The following CRACR2A variants were observed in gnomAD, a reference collection of about 807,000 sequenced individuals.
CRACR2A encodes calcium release activated channel regulator 2A, also known as EF-hand calcium-binding domain-containing protein 4B.
In CRACR2A, 79 loss-of-function variants were observed where a neutral mutation model predicts 90.5. The ratio of observed to expected loss-of-function variants is 0.87; its 90% CI spans 0.73 to 1.05. The LOEUF (loss-of-function observed/expected upper bound fraction) is 1.05. Ranked by LOEUF, CRACR2A falls within the 50% of genes least tolerant of loss-of-function variation. CRACR2A has a pLI of 0.00. For missense variants in CRACR2A, 823 were observed against 897.2 expected (o/e 0.92, Z 1.06); for synonymous variants, 338 against 356.7 (o/e 0.95, Z 0.59).
chr12:3,740,150 C>A (rs906395285), intron 1 of CRACR2A, among the ~76,000 whole-genome samples: 1 of 152,074 alleles, frequency 6.6e-6, no homozygotes, highest in African/African-American at 2.4e-5. Context: ...CCCTGGAGAT[C>A]AAAAATGATC....
chr12:3,745,152 T>C (rs1045473669), intron 1 of CRACR2A, among the ~76,000 whole-genome samples: 1 of 152,114 alleles, frequency 6.6e-6, no homozygotes, highest in African/African-American at 2.4e-5. Flanking sequence ...AAGATCTCCA[T>C]CCTGTGGATG....
chr12:3,731,181 C>T (rs565737670), intron 2 of CRACR2A: 1 of 152,462 alleles, frequency 6.6e-6, no homozygotes, highest in African/African-American at 2.4e-5. Flanking sequence ...GCCCAGCAGC[C>T]TCCGCCACCT....
intron 7 of CRACR2A, among the ~76,000 whole-genome samples, chr12:3,668,188 C>T (rs1471013571): frequency 6.6e-6 from 1 of 152,102 alleles, no homozygotes; most frequent in Non-Finnish European, 1.5e-5. Context: ...TAAGTCACAA[C>T]CTCGTCACCT....
chr12:3,674,445 T>A (rs1945305740), intron 6 of CRACR2A, among the ~76,000 whole-genome samples: 1 of 152,232 alleles, frequency 6.6e-6, no homozygotes, highest in Non-Finnish European at 1.5e-5. Flanking sequence ...TGGTGGACCC[T>A]GTTCTCCCTT....
At chr12:3,631,528 C>A (rs950309944) in intron 15 of CRACR2A, among the ~76,000 whole-genome samples, 1 of 152,208 alleles carries the variant, frequency 6.6e-6, no homozygotes, top group Non-Finnish European at 1.5e-5. Flanking sequence ...GGCGCTGTCT[C>A]CTGTGTTACC....
In CRACR2A at chr12:3,746,117, G is replaced by A. The variant is rs1269082617; in HGVS notation, c.-387+6898C>T. ...AATCCTACCTCCTCTCTAAAGCCAT[G>A]AGAAATATACTTTACTTACTTGCCT... On this transcript the variant is annotated intron_variant, in intron 1 of 19. Transcript: ENST00000440314. This position sits in a 1 kb window ranked among gnomAD's most constrained non-coding sequence, Gnocchi z 4.4. 6.6e-6 allele frequency among the ~76,000 whole-genome samples: 1 copy of A among 152,190 alleles called. No individual in the cohort carries two copies. Among genetic ancestry groups the A allele is most frequent in the Non-Finnish European group, 1.5e-5 (1 of 68,044 alleles).
chr12:3,664,499 T>C (rs1435731052), intron 7 of CRACR2A, among the ~76,000 whole-genome samples: 1 of 152,242 alleles, frequency 6.6e-6, no homozygotes, highest in African/African-American at 2.4e-5. Flanking sequence ...CCTGTTGTGT[T>C]GTTTGGTGCA....
intron 14 of CRACR2A, among the ~76,000 whole-genome samples, chr12:3,634,370 G>T (rs1338108098): frequency 6.6e-6 from 1 of 152,150 alleles, no homozygotes; most frequent in Non-Finnish European, 1.5e-5. Flanking sequence ...AGGCACGAGG[G>T]TCTCCACTTA....
chr12:3,698,465 A>C lies in CRACR2A; in HGVS notation c.-36-1430T>G, dbSNP rs150869777. ...CTGTTGATTTCAGTGATGATCTTCCACTTAACCAGATTTGTCAAGAGCTGT... is the reference window on the plus strand; with the variant it reads ...CTGTTGATTTCAGTGATGATCTTCCCCTTAACCAGATTTGTCAAGAGCTGT... On this transcript the variant is annotated intron_variant, in intron 3 of 19. Coordinates refer to ENST00000440314, the MANE Select transcript of CRACR2A (RefSeq NM_001144958.2). 3.3e-5 allele frequency among the ~76,000 whole-genome samples: 5 copies of C among 152,194 alleles called. No homozygotes were observed. The South Asian group carries it at 1.0e-3, about 32-fold the overall frequency.
At chr12:3,723,777 G>T (rs1946218317) in intron 2 of CRACR2A, among the ~76,000 whole-genome samples, 1 of 152,136 alleles carries the variant, frequency 6.6e-6, no homozygotes, top group Non-Finnish European at 1.5e-5. Context: ...TCCCAAAGCT[G>T]CTCCTTGGAG....
In CRACR2A at chr12:3,633,160, C is replaced by T. The variant is rs962835651; in HGVS notation, c.1735+444G>A. On this transcript the variant is annotated intron_variant, in intron 15 of 19. Transcript: ENST00000440314. The surrounding 1 kb of genome is among the most constrained non-coding windows in gnomAD (Gnocchi z 4.5). ...ATCCAGGAGCAAGGCCAGGATGTAG[C>T]AGGCCCTCAGGAAGACAGGGGGAGG... Among the ~76,000 whole-genome samples the T allele has an allele frequency of 4.6e-5, 7 of 152,012 alleles. No homozygotes were observed. Among genetic ancestry groups the T allele is most frequent in the Non-Finnish European group, 8.8e-5 (6 of 68,002 alleles).
At chr12:3,685,860 TA>T (rs1565489257) in intron 4 of CRACR2A, among the ~76,000 whole-genome samples, 1 of 152,140 alleles carries the variant, frequency 6.6e-6, no homozygotes, top group Non-Finnish European at 1.5e-5. Context: ...ACTGCACACA[TA>T]AAAAATGGTT....
At chr12:3,627,383 A>G in intron 17 of CRACR2A, 53 bp downstream of exon 17, 1 of 1,369,584 alleles carries the variant, frequency 7.3e-7, no homozygotes, top group Non-Finnish European at 1.0e-6. Context: ...GACAGAGAAG[A>G]AAAAAGAAGC....
intron 2 of CRACR2A, among the ~76,000 whole-genome samples, chr12:3,721,427 A>C (rs1175226111): frequency 1.3e-5 from 2 of 151,792 alleles, no homozygotes; most frequent in African/African-American, 2.4e-5. Context: ...AAAAAGAGAG[A>C]GAGAGCAAAA....
chr12:3,751,675 A>C (rs2137944222), intron 1 of CRACR2A, among the ~76,000 whole-genome samples: 1 of 152,284 alleles, frequency 6.6e-6, no homozygotes, highest in Admixed American at 6.5e-5. Context: ...TGCCACATCC[A>C]GGACGCCCTC....
chr12:3,660,829 A>AACACACACACACACAC (rs58293233), intron 7 of CRACR2A, among the ~76,000 whole-genome samples: 4 of 119,624 alleles, frequency 3.3e-5, no homozygotes, highest in Non-Finnish European at 5.1e-5. Context: ...CTGAACATGC[A>AACACACACACACACAC]ACACACACAC....
chr12:3,694,666 G>A (rs1054511286), intron 4 of CRACR2A, among the ~76,000 whole-genome samples: 1 of 152,172 alleles, frequency 6.6e-6, no homozygotes, highest in Non-Finnish European at 1.5e-5. Context: ...GAAGCCTGTT[G>A]TTCTTCTTCT....
At chr12:3,695,517 G>A (rs1288954237) in intron 4 of CRACR2A, among the ~76,000 whole-genome samples, 1 of 152,184 alleles carries the variant, frequency 6.6e-6, no homozygotes, top group Non-Finnish European at 1.5e-5. Flanking sequence ...ACCACCACAT[G>A]GGGCCAGGGA....
At chr12:3,751,559 C>G (rs919830788) in intron 1 of CRACR2A, among the ~76,000 whole-genome samples, 1 of 152,258 alleles carries the variant, frequency 6.6e-6, no homozygotes, top group East Asian at 1.9e-4. Flanking sequence ...GGATTGTCCA[C>G]TACATTACTC....
Sources: allele counts gnomAD v4.1 joint callset (sites outside exome capture counted in the v4.1 genomes callset), GRCh38; gene constraint gnomAD v4.1.1; non-coding constraint Gnocchi (gnomAD v3.1); transcripts MANE v1.5; gene names NCBI Gene and HGNC (gene_info 2026-07-23, HGNC 2026-07-21).